The following SPTA1 variants were observed in gnomAD, a reference collection of about 807,000 sequenced individuals.
SPTA1 encodes spectrin alpha chain, erythrocytic 1.
A neutral mutation model predicts 324.7 loss-of-function variants in SPTA1; 177 were observed. The ratio of observed to expected loss-of-function variants is 0.55; its 90% CI spans 0.48 to 0.62. The LOEUF is 0.62. Ranked by LOEUF, SPTA1 falls within the 20% of genes least tolerant of loss-of-function variation. The pLI, the probability that SPTA1 is intolerant of heterozygous loss-of-function variation, is 0.00. For missense variants in SPTA1, 3,162 were observed against 2,883.6 expected (o/e 1.10, Z -2.21); for synonymous variants, 1,195 against 1,041.3 (o/e 1.15, Z -2.84).
intron 42 of SPTA1, among the ~76,000 whole-genome samples, chr1:158,624,638 A>C (rs1240316677): frequency 1.3e-5 from 2 of 152,206 alleles, no homozygotes; most frequent in East Asian, 1.9e-4. Flanking sequence ...GGAGCTAAAG[A>C]GACATAACTT....
chr1:158,648,364 G>A, intron 26 of SPTA1, 145 bp downstream of exon 26: 1 of 1,227,002 alleles, frequency 8.1e-7, no homozygotes, highest in East Asian at 2.4e-5. Flanking sequence ...TTGCCTTAGG[G>A]ACAGTGTACA....
intron 27 of SPTA1, 96 bp from the exon 28 acceptor site, chr1:158,645,690 C>G: frequency 1.5e-6 from 2 of 1,326,922 alleles, no homozygotes; most frequent in Non-Finnish European, 2.2e-6. Context: ...AAAACATTTC[C>G]AGAATAACAT....
intron 22 of SPTA1, 58 bp from the exon 23 acceptor site, chr1:158,652,711 G>A (rs1249311861): frequency 1.3e-6 from 2 of 1,583,080 alleles, no homozygotes; most frequent in South Asian, 1.1e-5. Context: ...GAAGAGTAGA[G>A]GCTGAGTGAC....
intron 43 of SPTA1, chr1:158,622,759 C>T (rs1378901051): frequency 2.0e-6 from 1 of 498,806 alleles, no homozygotes; most frequent in East Asian, 3.8e-5. Context: ...GTTTGCCTGG[C>T]TTCCATCTCA....
rs34133563 is a variant in SPTA1, at chr1:158,676,175, T to C, written c.1078A>G (p.Thr360Ala). 3 of 1,613,720 alleles carry C rather than the reference T, an allele frequency of 1.9e-6. No individual in the cohort carries two copies. The highest frequency in any genetic ancestry group is 2.2e-5 in the South Asian group (2 of 91,072). Residue 360 changes from threonine to alanine, a missense_variant, in exon 8 of 52, where the codon ACC (threonine) becomes GCC (alanine). Transcript: ENST00000643759. The stretch of plus-strand genomic sequence containing the variant: ...GCCTGCAGTTTTTCATATCTGCTGG[T>C]GGCCAGGGCACGAATATGCTCCCAG... ...SSWEHIRALA[T>A]SRYEKLQATY...
chr1:158,626,068 T>A, intron 42 of SPTA1, 78 bp downstream of exon 42: 2 of 1,362,374 alleles, frequency 1.5e-6, no homozygotes, highest in Non-Finnish European at 2.1e-6. Flanking sequence ...AATCCCAAAA[T>A]TCAGAAATAA....
At chr1:158,676,073 T>A in intron 8 of SPTA1, 68 bp downstream of exon 8, 1 of 1,604,670 alleles carries the variant, frequency 6.2e-7, no homozygotes, top group Non-Finnish European at 8.5e-7. Context: ...TACTCTTATT[T>A]CTTCTCTCGC....
intron 40 of SPTA1, 64 bp downstream of exon 40, chr1:158,627,561 C>T (rs1557931359): frequency 6.8e-7 from 1 of 1,480,912 alleles, no homozygotes; most frequent in Non-Finnish European, 9.4e-7. Context: ...CTTAGCATTT[C>T]TACATTTGGG....
In SPTA1 at chr1:158,674,310, CT is replaced by C. The variant is rs746633198; in HGVS notation, c.1350+18del. The C allele has an allele frequency of 1.9e-6, 3 of 1,610,208 alleles. No homozygotes were observed. Among genetic ancestry groups the C allele is most frequent in the Non-Finnish European group, 2.5e-6 (3 of 1,176,538 alleles). On this transcript the variant is annotated intron_variant, in intron 10 of 51. Coordinates refer to ENST00000643759, the MANE Select transcript of SPTA1 (RefSeq NM_003126.4). ...ACATATATAATTGGAATTTGACAAA[CT>C]CTGTTAAACTAGATTACCTTTTCCC...
In SPTA1 at chr1:158,662,829, T is replaced by C; in HGVS notation, c.2337A>G (p.Lys779=). The C allele has an allele frequency of 6.2e-7, 1 of 1,614,102 alleles. No homozygotes were observed. Residue 779 remains lysine, a synonymous_variant, in exon 17 of 52, where the codon AAA becomes AAG. Coordinates refer to ENST00000643759, the MANE Select transcript of SPTA1 (RefSeq NM_003126.4). ...ESLVCRFEAL[K]EPLATRKKKL... is the part of the protein sequence containing the mutation. ...TCTTCTTTCGGGTGGCCAGTGGCTCTTTCAGAGCTTCAAATCGGCATACCA... is the reference window on the plus strand; with the variant it reads ...TCTTCTTTCGGGTGGCCAGTGGCTCCTTCAGAGCTTCAAATCGGCATACCA...
chr1:158,617,678 C>A (rs1161551867), intron 46 of SPTA1, 90 bp from the exon 47 acceptor site: 2 of 1,295,012 alleles, frequency 1.5e-6, no homozygotes, highest in Admixed American at 1.8e-5. Context: ...TCTGTTTCAA[C>A]TTCTCCAAGG....
rs777881486 is a variant in SPTA1 at position 158,674,371 on chromosome 1, G to A, written c.1308C>T (p.Leu436=). Residue 436 remains leucine (L), a synonymous_variant, in exon 10 of 52, where the codon CTC becomes CTT. Transcript: ENST00000643759. ...FQSADETGQD[L]VNANHEASDE... ...CAGAGGCTTCATGATTGGCATTCAC[G>A]AGGTCTTGACCAGTCTCATCAGCAG... 1.5e-5 allele frequency: 25 copies of A among 1,613,874 alleles called. No individual in the cohort carries two copies. The highest frequency in any genetic ancestry group is 2.7e-5 in the African/African-American group (2 of 74,890).
At position 158,657,575 on chromosome 1, in the gene SPTA1, G is replaced by T. The variant is rs1652918025; in HGVS notation, c.2707C>A (p.Gln903Lys). Residue 903 changes from glutamine to lysine, a missense_variant, in exon 19 of 52, where the codon CAG becomes AAG. By Grantham distance (53) the Gln-to-Lys change is moderately conservative. Coordinates refer to ENST00000643759, the MANE Select transcript of SPTA1 (RefSeq NM_003126.4). ...NDLEANVQFQ[Q>K]YLADLHEAET... Reference sequence around the variant, plus strand: ...GCTTCATGCAGGTCAGCCAGGTACTGCTGGAACTGGACATTGGCTTCAAGA... The same window carrying T: ...GCTTCATGCAGGTCAGCCAGGTACTTCTGGAACTGGACATTGGCTTCAAGA... 6.2e-7 allele frequency: 1 copy of T among 1,613,936 alleles called. No individual in the cohort carries two copies. The highest frequency in any genetic ancestry group is 8.5e-7 in the Non-Finnish European group (1 of 1,179,972).
chr1:158,684,934 T>C (rs559571109), intron 2 of SPTA1, among the ~76,000 whole-genome samples, 174 bp downstream of exon 2: 151 of 152,300 alleles, frequency 9.9e-4, no homozygotes, highest in African/African-American at 3.5e-3. Flanking sequence ...AATGCACTTT[T>C]AGATTTTCTA....
At chr1:158,615,134 A>G (rs543971384) in intron 48 of SPTA1, 82 bp downstream of exon 48, 2 of 1,527,904 alleles carry the variant, frequency 1.3e-6, no homozygotes, top group African/African-American at 1.4e-5. Context: ...TATCTGGTGC[A>G]CCAAACTCTC....
chr1:158,626,114 TCTTGGGCTTAC>T, intron 42 of SPTA1, 21 bp downstream of exon 42: 1 of 1,594,302 alleles, frequency 6.3e-7, no homozygotes, highest in Non-Finnish European at 8.6e-7. Flanking sequence ...GTGAATCAGG[TCTTGGGCTTAC>T]CTAACATCTA....
chr1:158,672,555 T>C (rs1194487017), intron 10 of SPTA1, among the ~76,000 whole-genome samples: 1 of 152,150 alleles, frequency 6.6e-6, no homozygotes, highest in Non-Finnish European at 1.5e-5. Flanking sequence ...AATTTTTAGA[T>C]AATGTAATGT....
Position 158,615,238 on chromosome 1 carries a change from G to C in SPTA1, c.6766C>G (p.Leu2256Val), listed in dbSNP as rs1427633138. The C allele has an allele frequency of 3.7e-6, 6 of 1,613,552 alleles. No homozygotes were observed. Among genetic ancestry groups the C allele is most frequent in the South Asian group, 3.3e-5 (3 of 91,048 alleles). Reference sequence around the variant, plus strand: ...TACTTGGCCTGGATCTGTTGCTCCAGGTTGTGTTGCATCCGCAACCCAAGC... The same window carrying C: ...TACTTGGCCTGGATCTGTTGCTCCACGTTGTGTTGCATCCGCAACCCAAGC... ...YQLGLRMQHN[L>V]EQQIQAKDIK... The change falls in exon 48 of 52, where the codon CTG (leucine) becomes GTG (valine). Residue 2256 changes from leucine to valine, a missense_variant. Coordinates refer to ENST00000643759, the MANE Select transcript of SPTA1 (RefSeq NM_003126.4).
chr1:158,686,088 A>G (rs919459663), intron 1 of SPTA1, among the ~76,000 whole-genome samples: 6 of 152,202 alleles, frequency 3.9e-5, no homozygotes, highest in African/African-American at 1.4e-4. Context: ...TATGGATACC[A>G]TTTTCCCTAG....
Sources: allele counts gnomAD v4.1 joint callset (sites outside exome capture counted in the v4.1 genomes callset), GRCh38; gene constraint gnomAD v4.1.1; transcripts MANE v1.5; gene names NCBI Gene and HGNC (gene_info 2026-07-23, HGNC 2026-07-21).